APBA1: variants seen among roughly 807,000 people sequenced by gnomAD.
APBA1 encodes the protein amyloid-beta A4 precursor protein-binding family A member 1.
APBA1 carries 55 observed loss-of-function variants against 86.6 expected under a neutral mutation model. The ratio of observed to expected loss-of-function variants is 0.64; its 90% CI spans 0.51 to 0.80. The LOEUF (loss-of-function observed/expected upper bound fraction) is 0.80. Among genes scored for constraint, APBA1 ranks in the 30% least tolerant of loss-of-function variants. APBA1 has a pLI of 0.00. For synonymous variants in APBA1, 511 were observed against 493.9 expected (o/e 1.03, Z -0.46); for missense variants, 1,090 against 1,183.0 (o/e 0.92, Z 1.15).
intron 2 of APBA1, among the ~76,000 whole-genome samples, chr9:69,498,551 T>C (rs1243906203): frequency 6.6e-6 from 1 of 152,116 alleles, no homozygotes; most frequent in African/African-American, 2.4e-5. Flanking sequence ...AAGGTCTCGC[T>C]TGGGGCTTGA....
chr9:69,576,832 T>G lies in APBA1; in HGVS notation c.-69-59553A>C, dbSNP rs545702612. On this transcript the variant is annotated intron_variant, in intron 1 of 12. Transcript: ENST00000265381. ...GTAACAAACCTGCACGTTGTGCACA[T>G]GTACCCTAAAACTTAAAGTATAATA... Among the ~76,000 whole-genome samples the G allele has an allele frequency of 2.6e-4, 39 of 152,328 alleles. No individual in the cohort carries two copies. The South Asian group carries it at 7.9e-3, about 31-fold the overall frequency.
chr9:69,430,907 G>A lies in APBA1; in HGVS notation c.*420C>T, dbSNP rs2133776182. ...CCACATTCCCACAGATAAACTCAGA[G>A]AGCAGGGATCAGCAACTGGGTTTTA... On this transcript the variant is annotated 3_prime_UTR_variant, in exon 13 of 13. Coordinates refer to ENST00000265381, the MANE Select transcript of APBA1 (RefSeq NM_001163.4). 6.2e-6 allele frequency: 1 copy of A among 161,966 alleles called. No individual in the cohort carries two copies. The highest frequency in any genetic ancestry group is 6.4e-5 in the Admixed American group (1 of 15,532). 10.0% of individuals were successfully genotyped at this position (161,966 alleles called of 1,614,324 possible). A position where few individuals can be genotyped will look rare whatever the true frequency, so the allele number is the denominator to read the frequency against.
intron 5 of APBA1, among the ~76,000 whole-genome samples, chr9:69,460,220 C>T (rs192446762): frequency 3.3e-4 from 50 of 152,312 alleles, no homozygotes; most frequent in Non-Finnish European, 6.3e-4. Context: ...AACCACACTC[C>T]CACACAGATG....
At chr9:69,449,899 T>C in intron 9 of APBA1, 103 bp from the exon 10 acceptor site, 2 of 1,014,636 alleles carry the variant, frequency 2.0e-6, no homozygotes, top group South Asian at 3.3e-5. Context: ...AGAAAGACAC[T>C]TCCCTGGGGA....
intron 2 of APBA1, among the ~76,000 whole-genome samples, chr9:69,502,743 A>G (rs1835898764): frequency 6.6e-6 from 1 of 152,080 alleles, no homozygotes; most frequent in East Asian, 1.9e-4. Context: ...TACCTACATA[A>G]GTATACAAAC....
At chr9:69,621,780 T>A (rs1822823268) in intron 1 of APBA1, among the ~76,000 whole-genome samples, 1 of 152,118 alleles carries the variant, frequency 6.6e-6, no homozygotes, top group South Asian at 2.1e-4. Flanking sequence ...AACAGAAAAA[T>A]ACAAGCGAGT....
intron 1 of APBA1, among the ~76,000 whole-genome samples, chr9:69,567,597 G>A (rs992907922): frequency 1.3e-5 from 2 of 150,566 alleles, no homozygotes; most frequent in African/African-American, 4.9e-5. Context: ...AACAGGCCCC[G>A]GTGTGTGATG....
intron 1 of APBA1, among the ~76,000 whole-genome samples, chr9:69,552,692 T>C (rs577163715): frequency 4.6e-5 from 7 of 152,346 alleles, no homozygotes; most frequent in African/African-American, 9.6e-5. Context: ...GCAAAAGCTA[T>C]ACTTAAAAAA....
intron 1 of APBA1, among the ~76,000 whole-genome samples, chr9:69,561,879 G>A (rs970328394): frequency 6.6e-6 from 1 of 152,130 alleles, no homozygotes; most frequent in East Asian, 1.9e-4. Context: ...CGCCCATCTC[G>A]GTTTCCCAAA....
At chr9:69,436,808 C>G (rs924060818) in intron 11 of APBA1, among the ~76,000 whole-genome samples, 5 of 152,042 alleles carry the variant, frequency 3.3e-5, no homozygotes, top group Admixed American at 6.6e-5. Flanking sequence ...ACTTCCAAAA[C>G]TATGTTGAAT....
At chr9:69,517,463 C>T (rs760215369) in intron 1 of APBA1, among the ~76,000 whole-genome samples, 184 bp from the exon 2 acceptor site, 3 of 152,196 alleles carry the variant, frequency 2.0e-5, no homozygotes, top group Admixed American at 6.5e-5. Context: ...TTTGTAATTA[C>T]ATATCTACTT....
At chr9:69,451,511 T>C (rs1835008553) in intron 9 of APBA1, among the ~76,000 whole-genome samples, 1 of 152,212 alleles carries the variant, frequency 6.6e-6, no homozygotes, top group Non-Finnish European at 1.5e-5. Flanking sequence ...CCTCCTGCTC[T>C]AGCCAAACCG....
At chr9:69,527,845 T>C (rs1004682394) in intron 1 of APBA1, among the ~76,000 whole-genome samples, 1 of 152,170 alleles carries the variant, frequency 6.6e-6, no homozygotes, top group Non-Finnish European at 1.5e-5. Flanking sequence ...TCACTTTCAA[T>C]ATTCTATAAT....
At chr9:69,628,207 A>C (rs1011767956) in intron 1 of APBA1, among the ~76,000 whole-genome samples, 1 of 152,084 alleles carries the variant, frequency 6.6e-6, no homozygotes, top group African/African-American at 2.4e-5. Context: ...CAAAAAATAT[A>C]ATTTCTACCA....
intron 2 of APBA1, among the ~76,000 whole-genome samples, chr9:69,515,768 G>A (rs1836130398): frequency 6.6e-6 from 1 of 151,510 alleles, no homozygotes; most frequent in Non-Finnish European, 1.5e-5. Context: ...CACAGTGTGG[G>A]AAGCACTGAT....
chr9:69,573,895 C>T (rs1821722206), intron 1 of APBA1, among the ~76,000 whole-genome samples: 1 of 152,198 alleles, frequency 6.6e-6, no homozygotes, highest in South Asian at 2.1e-4. Context: ...GACTTAGAAA[C>T]AGCACTTTGA....
chr9:69,656,341 C>T (rs1481353080), intron 1 of APBA1, among the ~76,000 whole-genome samples: 1 of 152,134 alleles, frequency 6.6e-6, no homozygotes, highest in Non-Finnish European at 1.5e-5. Context: ...CACAGTAAAA[C>T]AACCCTAATG....
At chr9:69,494,165 C>G (rs1348475074) in intron 2 of APBA1, 1 of 152,012 alleles carries the variant, frequency 6.6e-6, no homozygotes, top group African/African-American at 2.4e-5. Flanking sequence ...TGATAATAGC[C>G]TGGGCTTAAT....
intron 1 of APBA1, among the ~76,000 whole-genome samples, chr9:69,568,104 C>T (rs1300692177): frequency 6.6e-6 from 1 of 152,168 alleles, no homozygotes; most frequent in Admixed American, 6.5e-5. Context: ...GTATGGACTA[C>T]TAAACTGCCT....
Sources: allele counts gnomAD v4.1 joint callset (sites outside exome capture counted in the v4.1 genomes callset), GRCh38; gene constraint gnomAD v4.1.1; transcripts MANE v1.5; gene names NCBI Gene and HGNC (gene_info 2026-07-23, HGNC 2026-07-21).